PRIM2: variants seen among roughly 807,000 people sequenced by gnomAD.
PRIM2 encodes DNA primase large subunit.
In PRIM2, 39 loss-of-function variants were observed where a neutral mutation model predicts 67.3. The ratio of observed to expected loss-of-function variants is 0.58; its 90% CI spans 0.45 to 0.76. The LOEUF is 0.76. Ranked by LOEUF, PRIM2 falls within the 30% of genes least tolerant of loss-of-function variation. PRIM2 has a pLI of 0.00. For missense variants in PRIM2, 398 were observed against 598.7 expected, an observed-to-expected ratio of 0.66 and a Z score of 3.50; for synonymous variants, 143 against 198.7, an observed-to-expected ratio of 0.72 and a Z score of 2.36.
At chr6:57,507,335 T>C (rs1483741532) in intron 7 of PRIM2, 52 bp from the exon 8 acceptor site, 2 of 1,267,464 alleles carry the variant, frequency 1.6e-6, no homozygotes, top group African/African-American at 3.2e-5. Context: ...TATTCAAATA[T>C]GTTCGGTGTT....
At chr6:57,282,028 C>T in the PRIM2 span, among the ~76,000 whole-genome samples, 309 of 152,194 alleles carry the variant, frequency 2.0e-3, no homozygotes, top group South Asian at 3.9e-3. Flanking sequence ...CAAAGGTCAC[C>T]GTTAATGAGG....
At chr6:57,270,685 A>G in the PRIM2 span, among the ~76,000 whole-genome samples, 19,818 of 152,078 alleles carry the variant, frequency 0.13, 1,394 homozygotes, top group East Asian at 0.21. Context: ...GTGGTGAGAG[A>G]GGGCATCCCT....
chr6:57,223,909 G>A, the PRIM2 span, among the ~76,000 whole-genome samples: 1 of 152,240 alleles, frequency 6.6e-6, no homozygotes, highest in Middle Eastern at 3.4e-3. Flanking sequence ...ATGGAAAATT[G>A]TATGGTTCAT....
intron 8 of PRIM2, among the ~76,000 whole-genome samples, chr6:57,521,372 T>TTTTTG (rs1385499023): frequency 1.5e-5 from 2 of 135,758 alleles, no homozygotes; most frequent in Non-Finnish European, 3.1e-5. Context: ...TTAGGGTTTT[T>TTTTTG]TTTTTTTTTT....
chr6:57,467,486 T>C (rs1283987687), intron 7 of PRIM2, among the ~76,000 whole-genome samples: 1 of 152,230 alleles, frequency 6.6e-6, no homozygotes, highest in Non-Finnish European at 1.5e-5. Context: ...TTGATCTATA[T>C]ATCTCTTTTG....
At chr6:57,294,168 A>G in the PRIM2 span, among the ~76,000 whole-genome samples, 1 of 152,146 alleles carries the variant, frequency 6.6e-6, no homozygotes, top group Non-Finnish European at 1.5e-5. Context: ...TCATGAAATG[A>G]ACAAAAGTAG....
intron 8 of PRIM2, among the ~76,000 whole-genome samples, chr6:57,531,246 T>C (rs1346009561): frequency 6.6e-6 from 1 of 151,982 alleles, no homozygotes; most frequent in Non-Finnish European, 1.5e-5. Flanking sequence ...TTGATCTCCC[T>C]GGCTCAAGCA....
chr6:57,284,809 T>C, the PRIM2 span, among the ~76,000 whole-genome samples: 1 of 152,008 alleles, frequency 6.6e-6, no homozygotes, highest in Admixed American at 6.6e-5. Context: ...TACAAGGATA[T>C]ACATGTAAAG....
At chr6:57,498,104 T>C (rs1774046951) in intron 7 of PRIM2, among the ~76,000 whole-genome samples, 1 of 152,232 alleles carries the variant, frequency 6.6e-6, no homozygotes, top group African/African-American at 2.4e-5. Flanking sequence ...GTGATAGTTC[T>C]GTTGAACAAC....
the PRIM2 span, among the ~76,000 whole-genome samples, chr6:57,235,415 GA>G: frequency 6.6e-6 from 1 of 150,564 alleles, no homozygotes; most frequent in African/African-American, 2.4e-5. Flanking sequence ...AGTGAGCTGA[GA>G]TCGCGCCACT....
intron 7 of PRIM2, among the ~76,000 whole-genome samples, chr6:57,486,511 T>A (rs1450718790): frequency 6.6e-6 from 1 of 152,240 alleles, no homozygotes; most frequent in East Asian, 1.9e-4. Context: ...TGAAGCCTTA[T>A]GTTCTTAGTC....
At chr6:57,600,593 C>T (rs1446902532) in intron 10 of PRIM2, among the ~76,000 whole-genome samples, 10 of 152,088 alleles carry the variant, frequency 6.6e-5, no homozygotes, top group East Asian at 5.8e-4. Flanking sequence ...TGGGCTCAAG[C>T]GATCCTCTTG....
At chr6:57,517,412 T>C (rs1447228395) in intron 8 of PRIM2, among the ~76,000 whole-genome samples, 2 of 152,146 alleles carry the variant, frequency 1.3e-5, no homozygotes, top group Admixed American at 6.5e-5. Flanking sequence ...GAACTTTCTG[T>C]GATGATGGAA....
chr6:57,491,844 G>C (rs1773898938), intron 7 of PRIM2, among the ~76,000 whole-genome samples: 1 of 152,052 alleles, frequency 6.6e-6, no homozygotes, highest in Non-Finnish European at 1.5e-5. Context: ...TGAATACCAG[G>C]GCTTTTATTT....
At chr6:57,362,509 G>A (rs1410830831) in intron 5 of PRIM2, among the ~76,000 whole-genome samples, 1 of 151,940 alleles carries the variant, frequency 6.6e-6, no homozygotes, top group African/African-American at 2.4e-5. Context: ...TGCTTGGCTT[G>A]GAAGACTTCG....
intron 8 of PRIM2, among the ~76,000 whole-genome samples, chr6:57,531,330 T>C (rs1774885098): frequency 6.6e-6 from 1 of 152,226 alleles, no homozygotes; most frequent in Admixed American, 6.5e-5. Context: ...GTTTTTGTTT[T>C]AATTTTTATT....
At chr6:57,268,329 A>C in the PRIM2 span, among the ~76,000 whole-genome samples, 6 of 151,794 alleles carry the variant, frequency 4.0e-5, no homozygotes, top group African/African-American at 1.5e-4. Context: ...AAGAATATTA[A>C]ATGTTAGAGT....
the PRIM2 span, among the ~76,000 whole-genome samples, chr6:57,260,689 G>A: frequency 6.6e-6 from 1 of 152,140 alleles, no homozygotes; most frequent in Non-Finnish European, 1.5e-5. Flanking sequence ...CATGGTTGTT[G>A]GAAATGGGTA....
chr6:57,465,659 A>G (rs1309113377), intron 7 of PRIM2, among the ~76,000 whole-genome samples: 2 of 152,158 alleles, frequency 1.3e-5, no homozygotes, highest in Non-Finnish European at 2.9e-5. Context: ...TGTGTGCCTC[A>G]GGTCCCTCAA....
Sources: gnomAD v4.1 joint callset for allele counts (sites outside exome capture counted in the v4.1 genomes callset) on GRCh38, gnomAD v4.1.1 for gene constraint, MANE v1.5 for transcripts, NCBI Gene and HGNC (gene_info 2026-07-23, HGNC 2026-07-21) for gene names.